The following CNTNAP4 variants were observed in gnomAD, a reference collection of about 807,000 sequenced individuals.
The protein encoded by CNTNAP4 is contactin-associated protein-like 4.
In CNTNAP4, 98 loss-of-function variants were observed where a neutral mutation model predicts 148.4. The observed-to-expected ratio is 0.66, with a 90% CI of 0.56 to 0.78. CNTNAP4 has a LOEUF of 0.78. CNTNAP4 is among the 30% of genes least tolerant of loss of function. The pLI is 0.00. For synonymous variants in CNTNAP4, 730 were observed against 565.1 expected (o/e 1.29, Z -4.14); for missense variants, 1,935 against 1,565.6 (o/e 1.24, Z -3.98).
intron 1 of CNTNAP4, among the ~76,000 whole-genome samples, chr16:76,285,716 C>G (rs76842150): frequency 0.012 from 1,864 of 151,936 alleles, 48 homozygotes; most frequent in African/African-American, 0.043. Context: ...AAAATTATAA[C>G]CTGTAATTTC....
chr16:76,532,962 G>A (rs1340516181), intron 17 of CNTNAP4, among the ~76,000 whole-genome samples: 1 of 152,108 alleles, frequency 6.6e-6, no homozygotes, highest in East Asian at 1.9e-4. Context: ...GAACTACAAT[G>A]TGATCCAGCA....
At position 76,429,158 on chromosome 16, in the gene CNTNAP4, T is replaced by G. The variant is rs557685062; in HGVS notation, c.538+1559T>G. On this transcript the variant is annotated intron_variant, in intron 4 of 23. Transcript: ENST00000611870. Reference sequence around the variant, plus strand: ...AGCTTAGCTACACCATGTTAGTTCCTCACGTCACAATTAGTATACCTGAAT... The same window carrying G: ...AGCTTAGCTACACCATGTTAGTTCCGCACGTCACAATTAGTATACCTGAAT... Among the ~76,000 whole-genome samples the G allele has an allele frequency of 1.3e-4, 20 of 152,250 alleles. No homozygotes were observed. The South Asian group carries it at 3.9e-3, about 30-fold the overall frequency.
intron 10 of CNTNAP4, among the ~76,000 whole-genome samples, 162 bp downstream of exon 10, chr16:76,467,685 G>A (rs1210548502): frequency 6.6e-6 from 1 of 152,108 alleles, no homozygotes; most frequent in Non-Finnish European, 1.5e-5. Flanking sequence ...TGCACCCTTT[G>A]TTTAAATGTC....
intron 2 of CNTNAP4, among the ~76,000 whole-genome samples, chr16:76,324,083 C>A (rs1169381500): frequency 1.3e-5 from 2 of 152,048 alleles, no homozygotes; most frequent in Non-Finnish European, 2.9e-5. Flanking sequence ...TTGGTAGTCC[C>A]TCAATAAGAA....
chr16:76,472,518 C>T (rs1285074621), intron 10 of CNTNAP4, among the ~76,000 whole-genome samples: 4 of 150,518 alleles, frequency 2.7e-5, no homozygotes, highest in African/African-American at 9.9e-5. Context: ...TTTGGTTTTA[C>T]GTTCCTGCAT....
chr16:76,333,318 A>C (rs761062619), intron 2 of CNTNAP4, among the ~76,000 whole-genome samples: 2 of 152,268 alleles, frequency 1.3e-5, no homozygotes, highest in African/African-American at 2.4e-5. Context: ...ACATATGCTC[A>C]ATCTATCTCT....
intron 15 of CNTNAP4, among the ~76,000 whole-genome samples, chr16:76,504,123 A>G (rs958958567): frequency 6.6e-6 from 1 of 152,104 alleles, no homozygotes; most frequent in African/African-American, 2.4e-5. Flanking sequence ...TTGAAATGCA[A>G]AGAAAGTAGA....
intron 2 of CNTNAP4, among the ~76,000 whole-genome samples, chr16:76,342,103 T>A (rs904331257): frequency 6.6e-6 from 1 of 152,176 alleles, no homozygotes; most frequent in African/African-American, 2.4e-5. Context: ...GAAAGCATCA[T>A]CCCTCAAGAA....
intron 2 of CNTNAP4, among the ~76,000 whole-genome samples, chr16:76,348,299 G>A (rs746565078): frequency 6.6e-6 from 1 of 151,732 alleles, no homozygotes; most frequent in Non-Finnish European, 1.5e-5. Flanking sequence ...AATCAGTTTT[G>A]GAAATGTTAA....
intron 10 of CNTNAP4, among the ~76,000 whole-genome samples, chr16:76,474,728 T>C (rs1423519674): frequency 5.9e-5 from 9 of 152,248 alleles, no homozygotes; most frequent in South Asian, 2.1e-4. Flanking sequence ...AACAAAACTT[T>C]CCAAACTTTT....
chr16:76,365,049 G>A (rs185791890), intron 3 of CNTNAP4, among the ~76,000 whole-genome samples: 4 of 152,106 alleles, frequency 2.6e-5, no homozygotes, highest in Non-Finnish European at 5.9e-5. Flanking sequence ...GTTAATTTTT[G>A]CATAAGGTGT....
intron 12 of CNTNAP4, among the ~76,000 whole-genome samples, chr16:76,485,580 C>A (rs1475085736): frequency 6.6e-6 from 1 of 151,988 alleles, no homozygotes; most frequent in Admixed American, 6.6e-5. Context: ...TTAAACTCAC[C>A]CCTTCTCATG....
chr16:76,385,202 A>G (rs1432777517), intron 3 of CNTNAP4, among the ~76,000 whole-genome samples: 4 of 152,192 alleles, frequency 2.6e-5, no homozygotes, highest in African/African-American at 9.6e-5. Context: ...TATTTAGAGC[A>G]GCAAGAGCTA....
chr16:76,451,029 G>A (rs1397683280), intron 7 of CNTNAP4, among the ~76,000 whole-genome samples: 1 of 152,174 alleles, frequency 6.6e-6, no homozygotes, highest in South Asian at 2.1e-4. Context: ...TTGCCTGTGG[G>A]TAGCCACCAC....
At chr16:76,516,144 C>T (rs567005542) in intron 15 of CNTNAP4, among the ~76,000 whole-genome samples, 17 of 150,278 alleles carry the variant, frequency 1.1e-4, no homozygotes, top group Non-Finnish European at 2.4e-4. Flanking sequence ...TCTCTGTGTC[C>T]ATGTATTCTC....
intron 2 of CNTNAP4, among the ~76,000 whole-genome samples, chr16:76,349,151 A>T (rs1021682185): frequency 2.0e-5 from 3 of 151,992 alleles, no homozygotes; most frequent in African/African-American, 7.2e-5. Context: ...TTCATTTCTC[A>T]ACTCTCCTTC....
intron 4 of CNTNAP4, among the ~76,000 whole-genome samples, chr16:76,437,330 T>G (rs2145119293): frequency 6.6e-6 from 1 of 152,170 alleles, no homozygotes; most frequent in East Asian, 1.9e-4. Flanking sequence ...GATCAATACT[T>G]TGCATACTTC....
At chr16:76,467,301 C>A (rs895513613) in intron 9 of CNTNAP4, 51 bp from the exon 10 acceptor site, 1 of 1,521,646 alleles carries the variant, frequency 6.6e-7, no homozygotes, top group Non-Finnish European at 9.1e-7. Context: ...ATCTATGATC[C>A]TGAATTCTGA....
chr16:76,421,130 T>C (rs866435444), intron 3 of CNTNAP4, among the ~76,000 whole-genome samples: 9 of 152,208 alleles, frequency 5.9e-5, no homozygotes, highest in Admixed American at 2.0e-4. Context: ...AACCCTTTTA[T>C]GCAAAAGGTA....
Sources: allele counts gnomAD v4.1 joint callset (sites outside exome capture counted in the v4.1 genomes callset), GRCh38; gene constraint gnomAD v4.1.1; transcripts MANE v1.5; gene names NCBI Gene and HGNC (gene_info 2026-07-23, HGNC 2026-07-21).